Variants in CWC25 observed in about 807,000 individuals in gnomAD.
The protein encoded by CWC25 is pre-mRNA-splicing factor CWC25 homolog.
Under a neutral mutation model 54.6 loss-of-function variants are expected in CWC25, and 31 were observed. That is an observed-to-expected ratio of 0.57 (90% confidence interval 0.43 to 0.77). The LOEUF (loss-of-function observed/expected upper bound fraction) is 0.77, where lower values mean the gene tolerates loss of function less well. CWC25 is among the 30% of genes least tolerant of loss of function. The probability of loss-of-function intolerance (pLI) is 0.00; values close to 1 mark genes in which losing one functional copy is unlikely to be tolerated. For missense variants in CWC25, 453 were observed against 529.3 expected (o/e 0.86, Z 1.41); for synonymous variants, 151 against 187.0 (o/e 0.81, Z 1.57).
intron 1 of CWC25, among the ~76,000 whole-genome samples, chr17:38,824,417 T>G (rs1337639000): frequency 6.6e-6 from 1 of 151,324 alleles, no homozygotes; most frequent in Admixed American, 6.6e-5. Context: ...CCGGGCGCTG[T>G]GGCTAACCCT....
intron 1 of CWC25, among the ~76,000 whole-genome samples, chr17:38,821,475 G>A (rs1448283181): frequency 2.6e-5 from 4 of 152,160 alleles, no homozygotes; most frequent in African/African-American, 7.2e-5. Context: ...CAGGAGAATC[G>A]CTTGAACCAA....
rs555284145 is a variant in CWC25 at position 38,819,323 on chromosome 17, C to T, written c.191+1578G>A. Among the ~76,000 whole-genome samples the T allele has an allele frequency of 2.0e-5, 3 of 150,632 alleles. No individual in the cohort carries two copies. In the East Asian group the frequency reaches 5.8e-4, roughly 29 times the overall value. On this transcript the variant is annotated intron_variant, in intron 2 of 9. Transcript: ENST00000614790. ...CAAGTGATTCTCCTGCCTCAGCCTC[C>T]CGAGTAGCTGGGATTACAGGCATGT... is the stretch of plus-strand genomic sequence containing the variant.
rs374775353 is a variant in CWC25, at chr17:38,806,314, A to C, written c.984T>G (p.His328Gln). 1 of 1,612,446 alleles carries C rather than the reference A, an allele frequency of 6.2e-7. No homozygotes were observed. Among genetic ancestry groups the C allele is most frequent in the Non-Finnish European group, 8.5e-7 (1 of 1,179,296 alleles). ...SPKKEVYQRRHAPGYTRKLSA... is the reference protein window; with the variant it reads ...SPKKEVYQRRQAPGYTRKLSA... ...TGACTCACCTGGTGTATCCGGGAGC[A>C]TGTCGCCTTTGGTAGACCTCTTTTT... The change falls in exon 8 of 10, where the codon CAT becomes CAG. Residue 328 changes from histidine to glutamine, a missense_variant. His to Gln is a conservative substitution (Grantham distance 24). Transcript: ENST00000614790.
chr17:38,821,011 C>T lies in CWC25; in HGVS notation c.81G>A (p.Glu27=). ...TCTTCCGCTCAGCCTCATGCTTCTG[C>T]TCGGCCTTCCACACTTTCTCCACAT... ...LRNVEKVWKA[E]QKHEAERKKI... is the part of the protein sequence containing the mutation. The change falls in exon 2 of 10, where the codon GAG becomes GAA. Residue 27 remains glutamate, a synonymous_variant. Coordinates refer to ENST00000614790, the MANE Select transcript of CWC25 (RefSeq NM_017748.5). 1 of 1,613,990 alleles carries T rather than the reference C, an allele frequency of 6.2e-7. No homozygotes were observed. The highest frequency in any genetic ancestry group is 2.2e-5 in the East Asian group (1 of 44,886).
At chr17:38,815,666 G>A (rs767680111) in intron 2 of CWC25, 20 of 1,288,814 alleles carry the variant, frequency 1.6e-5, no homozygotes, top group Non-Finnish European at 1.5e-5. Context: ...CTCAACATGG[G>A]GTGTGGATCT....
chr17:38,813,276 A>C (rs913936899), intron 3 of CWC25, among the ~76,000 whole-genome samples: 7 of 151,704 alleles, frequency 4.6e-5, no homozygotes, highest in African/African-American at 1.7e-4. Flanking sequence ...AGCCTGGCCA[A>C]CATGGTGAAA....
chr17:38,810,271 C>T, intron 5 of CWC25, 197 bp downstream of exon 5: 1 of 585,750 alleles, frequency 1.7e-6, no homozygotes, highest in Non-Finnish European at 2.9e-6. Context: ...AAGATACCCA[C>T]TCACATTTAG....
At chr17:38,814,307 G>A (rs1204885392) in intron 3 of CWC25, among the ~76,000 whole-genome samples, 13 of 148,130 alleles carry the variant, frequency 8.8e-5, no homozygotes, top group African/African-American at 2.0e-4. Flanking sequence ...TTTTTGAGAC[G>A]GAGTCTCGCT....
chr17:38,806,670 G>A (rs1383931428), intron 7 of CWC25, 95 bp downstream of exon 7: 5 of 1,116,206 alleles, frequency 4.5e-6, no homozygotes, highest in Non-Finnish European at 6.3e-6. Flanking sequence ...ATTTGGGAAA[G>A]TCAATGGACG....
Position 38,802,150 on chromosome 17 carries a change from T to G in CWC25, c.1220A>C (p.Asn407Thr). ...TSSLEDRVKR[N>T]IYSLQRTSVA... The stretch of plus-strand genomic sequence containing the variant: ...CGAAGTTCTCTGTAAAGAGTAGATA[T>G]TCCGCTTCACCCGATCCTCCAGGGA... The change falls in exon 10 of 10, where the codon AAT (asparagine) becomes ACT (threonine). Residue 407 changes from asparagine to threonine, a missense_variant. This residue lies in a region of CWC25 where 444 missense variants were observed against 499.2 expected (regional missense o/e 0.89). Coordinates refer to ENST00000614790, the MANE Select transcript of CWC25 (RefSeq NM_017748.5). 6.2e-7 allele frequency: 1 copy of G among 1,614,020 alleles called. No homozygotes were observed.
Position 38,806,866 on chromosome 17 carries a change from G to C in CWC25, c.801C>G (p.Pro267=). 6.2e-7 allele frequency: 1 copy of C among 1,613,892 alleles called. No individual in the cohort carries two copies. Among genetic ancestry groups the C allele is most frequent in the Non-Finnish European group, 8.5e-7 (1 of 1,179,866 alleles). The change falls in exon 7 of 10, where the codon CCC becomes CCG. Residue 267 remains proline, a synonymous_variant. Transcript: ENST00000614790. ...HSRSRSSSHS[P]PRHASKKSTR... ...TGCTCTTCTTGCTGGCATGTCTTGG[G>C]GGTGAGTGGGAGGAGCTTCTGGATC... is the stretch of plus-strand genomic sequence containing the variant.
At position 38,802,891 on chromosome 17, in the gene CWC25, T is replaced by A. The variant is rs749444884; in HGVS notation, c.1002-30A>T. On this transcript the variant is annotated intron_variant, in intron 8 of 9. Transcript: ENST00000614790. ...TGAGCACAGAAACCATACGATCAGG[T>A]CTCTTCCAGCAAAAAAACCAGAAGC... is the stretch of plus-strand genomic sequence containing the variant. 6.8e-6 allele frequency: 11 copies of A among 1,611,686 alleles called. No homozygotes were observed. The African/African-American group carries it at 1.5e-4, about 22-fold the overall frequency.
In CWC25 at chr17:38,801,935, G is replaced by C; in HGVS notation, c.*157C>G. ...AAGCAAGTCACACTAGCTCTCAAAG[G>C]AAGTGAGCTGTTTCAGGACTCAATG... On this transcript the variant is annotated 3_prime_UTR_variant, in exon 10 of 10. Transcript: ENST00000614790. 1.9e-6 allele frequency: 1 copy of C among 525,128 alleles called. No homozygotes were observed. The highest frequency in any genetic ancestry group is 3.1e-5 in the South Asian group (1 of 32,302). 32.5% of individuals were successfully genotyped at this position (525,128 alleles called of 1,614,324 possible).
In CWC25 at chr17:38,801,938, G is replaced by C; in HGVS notation, c.*154C>G. The stretch of plus-strand genomic sequence containing the variant: ...CAAGTCACACTAGCTCTCAAAGGAA[G>C]TGAGCTGTTTCAGGACTCAATGAAG... On this transcript the variant is annotated 3_prime_UTR_variant, in exon 10 of 10. Transcript: ENST00000614790. 1.9e-6 allele frequency: 1 copy of C among 531,114 alleles called. No homozygotes were observed. The highest frequency in any genetic ancestry group is 3.3e-6 in the Non-Finnish European group (1 of 299,000). 32.9% of individuals were successfully genotyped at this position (531,114 alleles called of 1,614,324 possible).
At chr17:38,805,816 C>CTT (rs1234037496) in intron 8 of CWC25, among the ~76,000 whole-genome samples, 8 of 142,984 alleles carry the variant, frequency 5.6e-5, no homozygotes, top group East Asian at 2.0e-4. Context: ...TGTTAAGAGA[C>CTT]TTTTTTTTTT....
At chr17:38,816,063 G>A (rs1207749339) in intron 2 of CWC25, among the ~76,000 whole-genome samples, 1 of 152,030 alleles carries the variant, frequency 6.6e-6, no homozygotes, top group Non-Finnish European at 1.5e-5. Flanking sequence ...ATTTCCCTGC[G>A]GTTCTGGGAG....
intron 7 of CWC25, 84 bp downstream of exon 7, chr17:38,806,681 G>C: frequency 8.2e-7 from 1 of 1,216,066 alleles, no homozygotes; most frequent in Non-Finnish European, 1.1e-6. Context: ...TCAATGGACG[G>C]ACATCACCAA....
intron 2 of CWC25, among the ~76,000 whole-genome samples, chr17:38,815,978 G>T (rs980982315): frequency 6.6e-6 from 1 of 152,060 alleles, no homozygotes; most frequent in East Asian, 1.9e-4. Context: ...TAACTATCTG[G>T]GTTTCACAAG....
intron 6 of CWC25, among the ~76,000 whole-genome samples, chr17:38,807,680 TAA>T (rs1911307876): frequency 7.8e-6 from 1 of 127,894 alleles, no homozygotes. Context: ...CCCTTGAGCC[TAA>T]GAGGTCAAGA....
Sources: gnomAD v4.1 joint callset for allele counts (sites outside exome capture counted in the v4.1 genomes callset) on GRCh38, gnomAD v4.1.1 for gene constraint, gnomAD v4.1.1 regional missense constraint, MANE v1.5 for transcripts, NCBI Gene and HGNC (gene_info 2026-07-23, HGNC 2026-07-21) for gene names.